MYBPHL: variants seen among roughly 807,000 people sequenced by gnomAD.
The protein encoded by MYBPHL is myosin binding protein H like.
A neutral mutation model predicts 39.5 loss-of-function variants in MYBPHL; 32 were observed. The ratio of observed to expected loss-of-function variants is 0.81; its 90% confidence interval spans 0.61 to 1.09. MYBPHL has a LOEUF of 1.09. MYBPHL is among the 50% of genes least tolerant of loss of function. The pLI, the probability that MYBPHL is intolerant of heterozygous loss-of-function variation, is 0.00. For synonymous variants in MYBPHL, 196 were observed against 183.7 expected, an observed-to-expected ratio of 1.07 and a Z score of -0.54; for missense variants, 456 against 460.2, an observed-to-expected ratio of 0.99 and a Z score of 0.08.
intron 8 of MYBPHL, among the ~76,000 whole-genome samples, chr1:109,293,562 T>C (rs1156537926): frequency 1.3e-5 from 2 of 148,960 alleles, no homozygotes; most frequent in African/African-American, 2.5e-5. Flanking sequence ...GTTAACACAG[T>C]GAAACCCCGT....
rs1352438759 is a variant in MYBPHL at position 109,295,193 on chromosome 1, A to T, written c.972T>A (p.Gly324=). ...AGGTATAGATGCCTCCATCAAAGGG[A>T]CCCGGCTTGCGGATCTCTAGGGAGC... ...GICSLEIRKP[G]PFDGGIYTCK... Residue 324 remains glycine, a synonymous_variant, in exon 7 of 9, where the codon GGT becomes GGA. Coordinates refer to ENST00000357155, the MANE Select transcript of MYBPHL (RefSeq NM_001010985.3). 6.2e-6 allele frequency: 10 copies of T among 1,613,942 alleles called. No homozygotes were observed. In the East Asian group the frequency reaches 8.9e-5, roughly 14 times the overall value.
At chr1:109,299,916 T>C (rs1557764996) in intron 1 of MYBPHL, among the ~76,000 whole-genome samples, 1 of 152,212 alleles carries the variant, frequency 6.6e-6, no homozygotes, top group African/African-American at 2.4e-5. Flanking sequence ...TGTGGCCATC[T>C]TGGCAAGCAA....
rs573132629 is a variant in MYBPHL at position 109,297,204 on chromosome 1, C to G, written c.431-15G>C. ...GCCTGGCCTCTCTGAAAGGGCAAAG[C>G]CATGGCAGTGGGCGTGGAACATCCC... On this transcript the variant is annotated splice_polypyrimidine_tract_variant and intron_variant, in intron 3 of 8. Coordinates refer to ENST00000357155, the MANE Select transcript of MYBPHL (RefSeq NM_001010985.3). 1 of 1,614,190 alleles carries G rather than the reference C, an allele frequency of 6.2e-7. No homozygotes were observed. Among genetic ancestry groups the G allele is most frequent in the South Asian group, 1.1e-5 (1 of 91,086 alleles).
chr1:109,293,571 G>A (rs959396122), intron 8 of MYBPHL, among the ~76,000 whole-genome samples: 23 of 150,826 alleles, frequency 1.5e-4, no homozygotes, highest in African/African-American at 5.1e-4. Context: ...GTGAAACCCC[G>A]TCTCTACTAA....
chr1:109,306,700 C>T, intron 1 of MYBPHL, 147 bp downstream of exon 1: 1 of 626,026 alleles, frequency 1.6e-6, no homozygotes, highest in Admixed American at 4.1e-5. Flanking sequence ...GGGATGGGGG[C>T]TCTCACGAAT....
chr1:109,298,020 A>T (rs1658146591), intron 2 of MYBPHL, 149 bp downstream of exon 2: 9 of 665,008 alleles, frequency 1.4e-5, no homozygotes, highest in Non-Finnish European at 2.3e-5. Context: ...TGCAGAGGTC[A>T]TTTGGCCTCA....
intron 1 of MYBPHL, among the ~76,000 whole-genome samples, chr1:109,304,268 C>A (rs914372928): frequency 2.6e-5 from 4 of 151,842 alleles, no homozygotes; most frequent in East Asian, 1.9e-4. Flanking sequence ...ATAGGCACAA[C>A]CTAAATATTT....
rs757818854 is a variant in MYBPHL, at chr1:109,296,838, G to C, written c.675C>G (p.Cys225Trp). The C allele has an allele frequency of 1.2e-6, 2 of 1,614,136 alleles. No individual in the cohort carries two copies. Among genetic ancestry groups the C allele is most frequent in the South Asian group, 1.1e-5 (1 of 91,078 alleles). ...YAFRVFAENQ[C>W]GLSETAPITT... ...TGATGGGGGCTGTTTCACTGAGTCC[G>C]CACTGGTTTTCAGCAAAGACACGGA... Residue 225 changes from cysteine (C) to tryptophan (W), a missense_variant, in exon 5 of 9, where the codon TGC becomes TGG. Transcript: ENST00000357155.
chr1:109,296,763 G>T lies in MYBPHL; in HGVS notation c.730+20C>A. On this transcript the variant is annotated intron_variant, in intron 5 of 8. Coordinates refer to ENST00000357155, the MANE Select transcript of MYBPHL (RefSeq NM_001010985.3). ...CTATCCTTAAGTCTTCCCAGCTCAT[G>T]ATCCCCATGCCTCCCTTACCTGCTT... The T allele has an allele frequency of 6.2e-7, 1 of 1,613,948 alleles. No homozygotes were observed. The highest frequency in any genetic ancestry group is 1.1e-5 in the South Asian group (1 of 91,066).
rs201974108 is a variant in MYBPHL at position 109,296,946 on chromosome 1, C to T, written c.571-4G>A. The T allele has an allele frequency of 7.7e-5, 125 of 1,614,090 alleles. No homozygotes were observed. In the Admixed American group the frequency reaches 1.5e-3, roughly 20 times the overall value. The stretch of plus-strand genomic sequence containing the variant: ...GCTCCAGCACCGTGAACCACAGCTG[C>T]GGGGCCGAACATGATGCCAGAAATC... On this transcript the variant is annotated splice_polypyrimidine_tract_variant and splice_region_variant and intron_variant, in intron 4 of 8. Coordinates refer to ENST00000357155, the MANE Select transcript of MYBPHL (RefSeq NM_001010985.3).
rs752406530 is a variant in MYBPHL at position 109,296,329 on chromosome 1, A to G, written c.772T>C (p.Ser258Pro). The G allele has an allele frequency of 5.6e-6, 9 of 1,614,030 alleles. No individual in the cohort carries two copies. The African/African-American group carries it at 1.2e-4, about 22-fold the overall frequency. ...KTKGFAQRDF[S>P]EAPKFTQPLA... ...GGCTGGGTAAACTTTGGGGCTTCAGAGAAGTCTCGTTGGGCAAACCCCTTG... is the reference window on the plus strand; with the variant it reads ...GGCTGGGTAAACTTTGGGGCTTCAGGGAAGTCTCGTTGGGCAAACCCCTTG... The change falls in exon 6 of 9, where the codon TCT (serine) becomes CCT (proline). Residue 258 changes from serine to proline, a missense_variant. Transcript: ENST00000357155.
chr1:109,306,853 T>C lies in MYBPHL; in HGVS notation c.139A>G (p.Ile47Val). ...GSPTPQLLPP[I>V]EEHPKIWLPR... ...CCCACCTGCCATGGGTCACCTTCTA[T>C]AGGGGGCAGGAGCTGGGGAGTGGGG... Residue 47 changes from isoleucine to valine, a missense_variant, in exon 1 of 9, where the codon ATA becomes GTA. Ile to Val is a conservative substitution (Grantham distance 29). Transcript: ENST00000357155. 1 of 1,580,324 alleles carries C rather than the reference T, an allele frequency of 6.3e-7. No individual in the cohort carries two copies. Among genetic ancestry groups the C allele is most frequent in the Non-Finnish European group, 8.6e-7 (1 of 1,166,850 alleles).
intron 8 of MYBPHL, 130 bp from the exon 9 acceptor site, chr1:109,292,718 T>G (rs573606059): frequency 6.6e-6 from 1 of 152,266 alleles, no homozygotes; most frequent in East Asian, 1.9e-4. Context: ...TCTGTACTTG[T>G]AACGCACCCC....
intron 5 of MYBPHL, 49 bp downstream of exon 5, chr1:109,296,734 C>A (rs373330018): frequency 6.2e-7 from 1 of 1,608,112 alleles, no homozygotes; most frequent in Non-Finnish European, 8.5e-7. Context: ...CCACTGTGCC[C>A]GGCCTATCCT....
intron 1 of MYBPHL, among the ~76,000 whole-genome samples, chr1:109,305,501 C>A (rs1348493256): frequency 1.3e-5 from 2 of 152,138 alleles, no homozygotes; most frequent in Non-Finnish European, 2.9e-5. Flanking sequence ...AGGGGAGAAG[C>A]ATGGGGGAGA....
intron 1 of MYBPHL, among the ~76,000 whole-genome samples, chr1:109,299,179 T>C (rs758659448): frequency 8.5e-5 from 13 of 152,224 alleles, no homozygotes; most frequent in Non-Finnish European, 1.6e-4. Flanking sequence ...TGTCTCCTCC[T>C]TTCTCAGGCA....
At position 109,296,290 on chromosome 1, in the gene MYBPHL, T is replaced by C. The variant is rs768980743; in HGVS notation, c.811A>G (p.Thr271Ala). ...PKFTQPLADC[T>A]TVTGYNTQLF... ...TGGGTATTATAGCCGGTGACTGTAG[T>C]GCAGTCGGCCAGAGGCTGGGTAAAC... The change falls in exon 6 of 9, where the codon ACT becomes GCT. Residue 271 changes from threonine (T) to alanine (A), a missense_variant. Physicochemically the swap from Thr to Ala is moderately conservative, Grantham distance 58. Coordinates refer to ENST00000357155, the MANE Select transcript of MYBPHL (RefSeq NM_001010985.3). The C allele has an allele frequency of 3.1e-6, 5 of 1,613,888 alleles. No homozygotes were observed. The highest frequency in any genetic ancestry group is 4.2e-6 in the Non-Finnish European group (5 of 1,179,982).
Position 109,296,380 on chromosome 1 carries a change from C to G in MYBPHL, c.731-10G>C, listed in dbSNP as rs771953223. Reference sequence around the variant, plus strand: ...GTCTTGTAAACAGTAGCTGAGGGCACCAAGAGGGGCTGGCATGTAGCTTCT... The same window carrying G: ...GTCTTGTAAACAGTAGCTGAGGGCAGCAAGAGGGGCTGGCATGTAGCTTCT... On this transcript the variant is annotated splice_polypyrimidine_tract_variant and intron_variant, in intron 5 of 8. Coordinates refer to ENST00000357155, the MANE Select transcript of MYBPHL (RefSeq NM_001010985.3). The G allele has an allele frequency of 6.2e-7, 1 of 1,613,848 alleles. No individual in the cohort carries two copies. Among genetic ancestry groups the G allele is most frequent in the Non-Finnish European group, 8.5e-7 (1 of 1,179,974 alleles).
chr1:109,306,024 T>G (rs1483305803), intron 1 of MYBPHL, among the ~76,000 whole-genome samples: 2 of 152,206 alleles, frequency 1.3e-5, no homozygotes, highest in Non-Finnish European at 2.9e-5. Context: ...GCACTAGGAA[T>G]TGAGCCTAGA....
Sources: gnomAD v4.1 joint callset for allele counts (sites outside exome capture counted in the v4.1 genomes callset) on GRCh38, gnomAD v4.1.1 for gene constraint, MANE v1.5 for transcripts, NCBI Gene and HGNC (gene_info 2026-07-23, HGNC 2026-07-21) for gene names.